The following FAM200B variants were observed in gnomAD, a reference collection of about 807,000 sequenced individuals.
The protein encoded by FAM200B is protein FAM200B.
Under a neutral mutation model 33.1 loss-of-function variants are expected in FAM200B, and 32 were observed. That is an observed-to-expected ratio of 0.97 (90% CI 0.73 to 1.30). The LOEUF (loss-of-function observed/expected upper bound fraction) is 1.30, where lower values mean the gene tolerates loss of function less well. Among genes scored for constraint, FAM200B ranks in the 50% most tolerant of loss-of-function variants. FAM200B has a pLI of 0.00. For missense variants in FAM200B, 741 were observed against 754.0 expected (o/e 0.98, Z 0.20); for synonymous variants, 240 against 264.8 (o/e 0.91, Z 0.91).
the FAM200B span, among the ~76,000 whole-genome samples, chr4:15,640,393 G>GAAAAAAAAAAAAAAAAACAAAA: frequency 1.1e-5 from 1 of 91,634 alleles, no homozygotes; most frequent in Non-Finnish European, 2.1e-5. Flanking sequence ...CTACACTACT[G>GAAAAAAAAAAAAAAAAACAAAA]AAAAAAAAAA....
chr4:15,675,926 T>C, the FAM200B span, among the ~76,000 whole-genome samples: 21 of 152,326 alleles, frequency 1.4e-4, no homozygotes, highest in African/African-American at 4.3e-4. Flanking sequence ...CTATTCTGAC[T>C]ACCTCAAACA....
Position 15,688,183 on chromosome 4 carries a change from G to A in FAM200B, c.1206G>A (p.Arg402=). The A allele has an allele frequency of 6.4e-7, 1 of 1,551,126 alleles. No individual in the cohort carries two copies. Among genetic ancestry groups the A allele is most frequent in the Non-Finnish European group, 8.7e-7 (1 of 1,146,708 alleles). ...GKILSRVYEL[R]NEIHFFLIEK... is the part of the protein sequence containing the mutation. The stretch of plus-strand genomic sequence containing the variant: ...TACTAAGCAGGGTTTATGAGCTCAG[G>A]AATGAGATTCACTTTTTTCTCATTG... The change falls in exon 2 of 2, where the codon AGG becomes AGA. Residue 402 remains arginine, a synonymous_variant. Transcript: ENST00000422728.
chr4:15,646,652 C>T, the FAM200B span, among the ~76,000 whole-genome samples: 3 of 151,174 alleles, frequency 2.0e-5, no homozygotes, highest in Non-Finnish European at 2.9e-5. Flanking sequence ...CCCATTAACC[C>T]GTCATCTAAC....
chr4:15,659,596 T>C, the FAM200B span: 3 of 245,456 alleles, frequency 1.2e-5, no homozygotes, highest in African/African-American at 6.9e-5. Flanking sequence ...GTTTAGATAA[T>C]ACTAAAATCA....
the FAM200B span, chr4:15,638,761 A>C: frequency 2.0e-6 from 2 of 1,005,568 alleles, no homozygotes; most frequent in Non-Finnish European, 2.9e-6. Context: ...AAACCCTTTT[A>C]AATTATTAAT....
chr4:15,675,345 AT>A, the FAM200B span, among the ~76,000 whole-genome samples: 1 of 152,232 alleles, frequency 6.6e-6, no homozygotes, highest in African/African-American at 2.4e-5. Context: ...AGTACCACAA[AT>A]AAAAATTATT....
At chr4:15,640,905 C>A in the FAM200B span, 3 of 1,274,900 alleles carry the variant, frequency 2.4e-6, no homozygotes, top group Middle Eastern at 2.0e-4. Flanking sequence ...AAAAAAAATA[C>A]ATTTTTATAA....
the FAM200B span, among the ~76,000 whole-genome samples, chr4:15,658,556 CCAGCATGCTGAGTCCCT>C: frequency 1.3e-3 from 193 of 152,250 alleles, no homozygotes; most frequent in Admixed American, 1.0e-3. Context: ...AAGACCTGTG[CCAGCATGCTGAGTCCCT>C]CGCCATGTGA....
Position 15,689,037 on chromosome 4 carries a change from C to T in FAM200B, c.*86C>T. 1 of 953,930 alleles carries T rather than the reference C, an allele frequency of 1.0e-6. No homozygotes were observed. The allele number at this position is 953,930 out of a possible 1,614,324, so 59.1% of individuals were successfully genotyped here. The stretch of plus-strand genomic sequence containing the variant: ...GTTATATTTAAATGGTACTATAATA[C>T]TGTGATACTTTTGTTATGTTTTAAT... On this transcript the variant is annotated 3_prime_UTR_variant, in exon 2 of 2. Coordinates refer to ENST00000422728, the MANE Select transcript of FAM200B (RefSeq NM_001145191.2).
At chr4:15,672,543 A>T in the FAM200B span, among the ~76,000 whole-genome samples, 1 of 152,220 alleles carries the variant, frequency 6.6e-6, no homozygotes, top group African/African-American at 2.4e-5. Flanking sequence ...GTATCTAAAC[A>T]TAGAAAAGTT....
At chr4:15,682,545 C>T (rs1316194274) in intron 1 of FAM200B, among the ~76,000 whole-genome samples, 2 of 152,192 alleles carry the variant, frequency 1.3e-5, no homozygotes, top group Admixed American at 1.3e-4. Context: ...GTAATGTGTA[C>T]ATCTTTTTGC....
chr4:15,674,851 G>A, the FAM200B span, among the ~76,000 whole-genome samples: 6 of 152,004 alleles, frequency 3.9e-5, no homozygotes, highest in African/African-American at 7.2e-5. Flanking sequence ...GGGTTTCACC[G>A]TGTTAGCCAG....
At chr4:15,655,144 C>G in the FAM200B span, 1 of 1,289,350 alleles carries the variant, frequency 7.8e-7, no homozygotes, top group Non-Finnish European at 1.0e-6. Flanking sequence ...CCCCAAGAAC[C>G]CAGCCCGCTC....
At chr4:15,671,551 G>A in the FAM200B span, among the ~76,000 whole-genome samples, 1 of 152,166 alleles carries the variant, frequency 6.6e-6, no homozygotes, top group Non-Finnish European at 1.5e-5. Context: ...TGGAATTACA[G>A]GCGTGAGCCA....
the FAM200B span, among the ~76,000 whole-genome samples, chr4:15,658,880 G>T: frequency 6.6e-6 from 1 of 152,158 alleles, no homozygotes; most frequent in Non-Finnish European, 1.5e-5. Flanking sequence ...GGACTCCAGA[G>T]ACTTAATTTT....
the FAM200B span, chr4:15,640,681 C>T: frequency 3.7e-6 from 2 of 535,056 alleles, no homozygotes; most frequent in Non-Finnish European, 3.3e-6. Context: ...TTCTTCTCTC[C>T]ATCAACCAGA....
chr4:15,680,909 TTATATA>T (rs1718223364), upstream of FAM200B, among the ~76,000 whole-genome samples: 3 of 148,774 alleles, frequency 2.0e-5, no homozygotes, highest in South Asian at 4.2e-4. Flanking sequence ...GCAGTATATA[TTATATA>T]TATAAGAATA....
At chr4:15,655,244 T>C in the FAM200B span, 1 of 1,442,006 alleles carries the variant, frequency 6.9e-7, no homozygotes, top group Non-Finnish European at 9.3e-7. Context: ...CATCCGCCAG[T>C]GTGGGGCGGT....
the FAM200B span, among the ~76,000 whole-genome samples, chr4:15,639,626 T>C: frequency 1.1e-4 from 16 of 152,222 alleles, no homozygotes; most frequent in African/African-American, 3.9e-4. Context: ...CTTCCACAGA[T>C]AATTGTGATG....
Sources: gnomAD v4.1 joint callset for allele counts (sites outside exome capture counted in the v4.1 genomes callset) on GRCh38, gnomAD v4.1.1 for gene constraint, MANE v1.5 for transcripts, NCBI Gene and HGNC (gene_info 2026-07-23, HGNC 2026-07-21) for gene names.